Variants in MAGI2 observed in about 807,000 individuals in gnomAD.
The protein encoded by MAGI2 is membrane associated guanylate kinase, WW and PDZ domain containing 2.
MAGI2 carries 35 observed loss-of-function variants against 133.3 expected under a neutral mutation model. The ratio of observed to expected loss-of-function variants is 0.26; its 90% CI spans 0.20 to 0.35. The LOEUF is 0.35. Among genes scored for constraint, MAGI2 ranks in the 10% least tolerant of loss-of-function variants. MAGI2 has a pLI of 1.00. For synonymous variants in MAGI2, 729 were observed against 710.6 expected (o/e 1.03, Z -0.41); for missense variants, 1,636 against 1,863.4 (o/e 0.88, Z 2.25).
At chr7:79,148,033 G>A (rs1040241533) in intron 1 of MAGI2, among the ~76,000 whole-genome samples, 7 of 152,172 alleles carry the variant, frequency 4.6e-5, no homozygotes, top group East Asian at 1.9e-4. Flanking sequence ...TGGAGCACAC[G>A]GAAGTGTTGG....
At chr7:78,505,234 GA>G (rs2150536878) in intron 4 of MAGI2, among the ~76,000 whole-genome samples, 1 of 152,114 alleles carries the variant, frequency 6.6e-6, no homozygotes, top group South Asian at 2.1e-4. Context: ...CAATCTAGGA[GA>G]GCAATATTAA....
At chr7:78,112,414 T>A (rs915107662) in intron 20 of MAGI2, among the ~76,000 whole-genome samples, 1 of 152,232 alleles carries the variant, frequency 6.6e-6, no homozygotes, top group African/African-American at 2.4e-5. Flanking sequence ...GGGTTTTGCA[T>A]ATACAACCTC....
chr7:78,019,147 A>C lies in MAGI2; in HGVS notation c.*168T>G, dbSNP rs1435158402. ...CAGTTTAGGTCTGCGCGTTGATGCG[A>C]TGCCGCCCAAGCACACCGGACACGT... On this transcript the variant is annotated 3_prime_UTR_variant, in exon 22 of 22. Coordinates refer to ENST00000354212, the MANE Select transcript of MAGI2 (RefSeq NM_012301.4). 10 of 763,550 alleles carry C rather than the reference A, an allele frequency of 1.3e-5. No homozygotes were observed. In the Middle Eastern group the frequency reaches 7.2e-4, roughly 55 times the overall value. The allele number at this position is 763,550 out of a possible 1,614,324, so 47.3% of individuals were successfully genotyped here.
intron 2 of MAGI2, among the ~76,000 whole-genome samples, chr7:79,001,686 C>G (rs1806871232): frequency 6.6e-6 from 1 of 152,108 alleles, no homozygotes; most frequent in Admixed American, 6.5e-5. Context: ...AAAATAAACT[C>G]CATTTTTGCT....
intron 10 of MAGI2, among the ~76,000 whole-genome samples, chr7:78,245,673 T>C (rs1791695277): frequency 6.6e-6 from 1 of 151,980 alleles, no homozygotes; most frequent in Non-Finnish European, 1.5e-5. Context: ...CTTCTCCCTG[T>C]GAGGAAAAGG....
At chr7:78,974,217 A>G (rs1338401442) in intron 2 of MAGI2, among the ~76,000 whole-genome samples, 2 of 151,768 alleles carry the variant, frequency 1.3e-5, no homozygotes, top group Admixed American at 6.6e-5. Flanking sequence ...CAAAAACCCT[A>G]TTGAATCTTT....
intron 2 of MAGI2, among the ~76,000 whole-genome samples, chr7:78,712,422 A>C (rs1819287980): frequency 1.3e-5 from 2 of 152,198 alleles, no homozygotes; most frequent in African/African-American, 4.8e-5. Flanking sequence ...TAGCTTATAA[A>C]AGACACCTCT....
intron 1 of MAGI2, among the ~76,000 whole-genome samples, chr7:79,313,655 T>A (rs1018615586): frequency 2.0e-5 from 3 of 152,190 alleles, no homozygotes; most frequent in Non-Finnish European, 4.4e-5. Context: ...ATTTGTTCGT[T>A]TATAAAAGCC....
chr7:78,637,211 CAG>C (rs1200891604), intron 2 of MAGI2, among the ~76,000 whole-genome samples: 22 of 152,278 alleles, frequency 1.4e-4, no homozygotes, highest in South Asian at 8.3e-4. Context: ...CATAGATGAA[CAG>C]AGTCATGAGG....
chr7:78,602,805 G>GA lies in MAGI2; in HGVS notation c.538+24314dup, dbSNP rs566150134. ...ACCTTTTCCACCAAATATATTATTA[G>GA]AAAAAAATAAATCTACAAATAGGCC... On this transcript the variant is annotated intron_variant, in intron 3 of 21. Transcript: ENST00000354212. 1.3e-3 allele frequency among the ~76,000 whole-genome samples: 196 copies of GA among 151,994 alleles called. 1 individual carries two copies. The highest frequency in any genetic ancestry group is 4.2e-3 in the East Asian group (22 of 5,186).
rs187052241 is a variant in MAGI2, at chr7:79,132,886, T to C, written c.302-125680A>G. Among the ~76,000 whole-genome samples, 188 of 152,318 alleles carry C rather than the reference T, an allele frequency of 1.2e-3. 1 individual carries two copies. The highest frequency in any genetic ancestry group is 4.2e-3 in the African/African-American group (173 of 41,578). On this transcript the variant is annotated intron_variant, in intron 1 of 21. Coordinates refer to ENST00000354212, the MANE Select transcript of MAGI2 (RefSeq NM_012301.4). ...TATCTCATTCTGGTTTTAGATTGCA[T>C]TTCTCTGATGATTAGTGATGCTGAG...
chr7:78,933,610 A>G (rs1800300352), intron 2 of MAGI2, among the ~76,000 whole-genome samples: 1 of 152,152 alleles, frequency 6.6e-6, no homozygotes, highest in Admixed American at 6.6e-5. Flanking sequence ...TCATTGACCA[A>G]TAGATAAATA....
intron 21 of MAGI2, 52 bp from the exon 22 acceptor site, chr7:78,020,028 T>C (rs1405660224): frequency 6.8e-7 from 1 of 1,479,604 alleles, no homozygotes. Flanking sequence ...GACGTCCCCG[T>C]GCCCTCTCTA....
intron 9 of MAGI2, among the ~76,000 whole-genome samples, chr7:78,340,958 G>A (rs1192356829): frequency 6.6e-6 from 1 of 152,106 alleles, no homozygotes; most frequent in East Asian, 1.9e-4. Context: ...TCTGGCTGGG[G>A]CAATCAGGCA....
intron 4 of MAGI2, among the ~76,000 whole-genome samples, chr7:78,509,583 G>A (rs1236403372): frequency 6.6e-6 from 1 of 152,110 alleles, no homozygotes; most frequent in Admixed American, 6.5e-5. Flanking sequence ...ACAGTCTAAG[G>A]TTTTGATATT....
chr7:78,226,047 A>G lies in MAGI2; in HGVS notation c.2048-24854T>C, dbSNP rs141290138. Among the ~76,000 whole-genome samples the G allele has an allele frequency of 6.2e-3, 939 of 152,332 alleles. 9 individuals carry two copies. Among genetic ancestry groups the G allele is most frequent in the African/African-American group, 0.021 (862 of 41,562 alleles). On this transcript the variant is annotated intron_variant, in intron 10 of 21. Transcript: ENST00000354212. ...ATGTTTGTAAAGAAAATTATTAGAA[A>G]ATTAAAAGAGAAAAATATAAGCCCC...
chr7:78,688,970 T>G (rs1816671113), intron 2 of MAGI2, among the ~76,000 whole-genome samples: 1 of 152,224 alleles, frequency 6.6e-6, no homozygotes, highest in Non-Finnish European at 1.5e-5. Context: ...AAGTTAACAT[T>G]ATTTTTCAGT....
At chr7:78,665,002 A>G (rs1362703563) in intron 2 of MAGI2, among the ~76,000 whole-genome samples, 2 of 152,112 alleles carry the variant, frequency 1.3e-5, no homozygotes, top group Admixed American at 6.6e-5. Context: ...ATGTCTTGTT[A>G]TAAGCATGAT....
At chr7:78,458,312 A>G (rs1264435059) in intron 6 of MAGI2, among the ~76,000 whole-genome samples, 2 of 151,424 alleles carry the variant, frequency 1.3e-5, no homozygotes, top group East Asian at 3.9e-4. Context: ...AAAAAAAAGA[A>G]TAAAAGAGTA....
Sources: gnomAD v4.1 joint callset for allele counts (sites outside exome capture counted in the v4.1 genomes callset) on GRCh38, gnomAD v4.1.1 for gene constraint, MANE v1.5 for transcripts, NCBI Gene and HGNC (gene_info 2026-07-23, HGNC 2026-07-21) for gene names.